The following PGAP1 variants were observed in gnomAD, a reference collection of about 807,000 sequenced individuals.
The protein encoded by PGAP1 is post-GPI attachment to proteins inositol deacylase 1.
PGAP1 carries 76 observed loss-of-function variants against 127.0 expected under a neutral mutation model. That is an observed-to-expected ratio of 0.60 (90% CI 0.50 to 0.72). PGAP1 has a LOEUF of 0.72. Ranked by LOEUF, PGAP1 falls within the 30% of genes least tolerant of loss-of-function variation. The probability of loss-of-function intolerance (pLI) is 0.00; values close to 1 mark genes in which losing one functional copy is unlikely to be tolerated. For missense variants in PGAP1, 982 were observed against 1,071.3 expected (o/e 0.92, Z 1.16); for synonymous variants, 362 against 366.5 (o/e 0.99, Z 0.14).
At position 196,839,962 on chromosome 2, in the gene PGAP1, C is replaced by T. The variant is rs920728274; in HGVS notation, c.*1272G>A. On this transcript the variant is annotated 3_prime_UTR_variant, in exon 27 of 27. Transcript: ENST00000354764. ...TACAGTCTACACATCTAGAAGAACTCTATAAGCCGGGTATGTCTCAGCCTG... is the reference window on the plus strand; with the variant it reads ...TACAGTCTACACATCTAGAAGAACTTTATAAGCCGGGTATGTCTCAGCCTG... The T allele has an allele frequency of 2.6e-5, 4 of 152,214 alleles. No individual in the cohort carries two copies. The highest frequency in any genetic ancestry group is 2.1e-4 in the South Asian group (1 of 4,834). 9.4% of individuals were successfully genotyped at this position (152,214 alleles called of 1,614,324 possible). A position where few individuals can be genotyped will look rare whatever the true frequency, so the allele number is the denominator to read the frequency against.
chr2:196,859,018 C>T (rs546617705), intron 20 of PGAP1, among the ~76,000 whole-genome samples: 1 of 151,974 alleles, frequency 6.6e-6, no homozygotes, highest in Non-Finnish European at 1.5e-5. Context: ...AAATAGGAAA[C>T]CTGAACAGAC....
In PGAP1 at chr2:196,926,676, G is replaced by A. The variant is rs1300121639; in HGVS notation, c.-60C>T. On this transcript the variant is annotated 5_prime_UTR_variant, in exon 1 of 27. Coordinates refer to ENST00000354764, the MANE Select transcript of PGAP1 (RefSeq NM_024989.4). ...CCTCTACCTCCTTCTCCGCCGCGGG[G>A]CCCCAAGCCCGGACTGAGCGTGCTA... The A allele has an allele frequency of 3.7e-6, 6 of 1,608,694 alleles. No individual in the cohort carries two copies. Among genetic ancestry groups the A allele is most frequent in the African/African-American group, 1.3e-5 (1 of 74,724 alleles).
At chr2:196,885,338 A>T in intron 12 of PGAP1, 86 bp downstream of exon 12, 1 of 843,508 alleles carries the variant, frequency 1.2e-6, no homozygotes, top group Non-Finnish European at 1.9e-6. Flanking sequence ...TACCAAGATA[A>T]GCTAATGAAA....
At chr2:196,847,807 CT>C (rs1042201059) in intron 21 of PGAP1, 139 bp downstream of exon 21, 7 of 550,338 alleles carry the variant, frequency 1.3e-5, no homozygotes, top group Admixed American at 7.5e-5. Context: ...AGACCTTTGC[CT>C]AAGAGAAAAA....
chr2:196,854,616 C>G (rs1272805218), intron 20 of PGAP1, among the ~76,000 whole-genome samples: 1 of 152,148 alleles, frequency 6.6e-6, no homozygotes, highest in African/African-American at 2.4e-5. Context: ...ACAGAAATAA[C>G]TAAAATTTCC....
At chr2:196,891,369 T>C (rs991874832) in intron 9 of PGAP1, among the ~76,000 whole-genome samples, 5 of 152,128 alleles carry the variant, frequency 3.3e-5, no homozygotes, top group Admixed American at 3.3e-4. Flanking sequence ...AGCTAAAATA[T>C]CTTGTCCTAC....
chr2:196,923,696 T>G (rs559177375), intron 1 of PGAP1, among the ~76,000 whole-genome samples: 28 of 151,576 alleles, frequency 1.8e-4, no homozygotes, highest in Non-Finnish European at 4.0e-4. Context: ...AGAGTCTCAC[T>G]GTCGCCCCGC....
chr2:196,924,218 C>T (rs1429080535), intron 1 of PGAP1, among the ~76,000 whole-genome samples: 3 of 151,830 alleles, frequency 2.0e-5, no homozygotes, highest in South Asian at 4.2e-4. Flanking sequence ...TTTCTGCTGG[C>T]TAACTAAAGA....
Position 196,919,984 on chromosome 2 carries a change from C to T in PGAP1, c.301+13G>A, listed in dbSNP as rs768803046. 2.5e-6 allele frequency: 4 copies of T among 1,595,966 alleles called. No individual in the cohort carries two copies. Among genetic ancestry groups the T allele is most frequent in the African/African-American group, 1.4e-5 (1 of 73,826 alleles). ...TTTTATAGCTTTCAAAATTTACTTC[C>T]AGTAAGACTTACCTTGCTTATAACT... On this transcript the variant is annotated intron_variant, in intron 2 of 26. Coordinates refer to ENST00000354764, the MANE Select transcript of PGAP1 (RefSeq NM_024989.4).
intron 7 of PGAP1, among the ~76,000 whole-genome samples, chr2:196,896,479 G>C (rs915713618): frequency 1.3e-5 from 2 of 152,026 alleles, no homozygotes; most frequent in Non-Finnish European, 2.9e-5. Context: ...TAATAAGATA[G>C]ATCATGATGT....
chr2:196,885,600 C>A, intron 11 of PGAP1, 125 bp from the exon 12 acceptor site: 1 of 697,112 alleles, frequency 1.4e-6, no homozygotes, highest in South Asian at 2.7e-5. Context: ...TGAGCCTAAT[C>A]CAATATACTC....
At chr2:196,889,365 C>T (rs1217571529) in intron 10 of PGAP1, among the ~76,000 whole-genome samples, 2 of 152,088 alleles carry the variant, frequency 1.3e-5, no homozygotes, top group South Asian at 2.1e-4. Flanking sequence ...CCCACAATGC[C>T]TATCATCTTT....
intron 1 of PGAP1, among the ~76,000 whole-genome samples, chr2:196,920,899 C>T (rs1038506669): frequency 6.6e-6 from 1 of 152,022 alleles, no homozygotes; most frequent in Non-Finnish European, 1.5e-5. Flanking sequence ...AGTAGTTCAC[C>T]TACATTTTTT....
At chr2:196,846,737 A>G (rs1700566493) in intron 22 of PGAP1, among the ~76,000 whole-genome samples, 1 of 152,210 alleles carries the variant, frequency 6.6e-6, no homozygotes, top group Admixed American at 6.5e-5. Flanking sequence ...AAGATTCACA[A>G]CCACGAAATG....
intron 10 of PGAP1, among the ~76,000 whole-genome samples, chr2:196,888,539 C>A (rs963129290): frequency 2.6e-5 from 4 of 151,668 alleles, no homozygotes; most frequent in Non-Finnish European, 5.9e-5. Flanking sequence ...TACTAAAAGA[C>A]ACTATGGGAA....
At position 196,891,058 on chromosome 2, in the gene PGAP1, G is replaced by A. The variant is rs1410459356; in HGVS notation, c.1090-147C>T. On this transcript the variant is annotated intron_variant, in intron 9 of 26. Transcript: ENST00000354764. ...ACCAATTCTCTAGGAGTGGGAGAAGGAAGATACAGAAGGGCAAGAGAAAGA... is the reference window on the plus strand; with the variant it reads ...ACCAATTCTCTAGGAGTGGGAGAAGAAAGATACAGAAGGGCAAGAGAAAGA... 10 of 554,390 alleles carry A rather than the reference G, an allele frequency of 1.8e-5. No homozygotes were observed. In the South Asian group the frequency reaches 2.6e-4, roughly 14 times the overall value. The allele number at this position is 554,390 out of a possible 1,614,324, so 34.3% of individuals were successfully genotyped here.
intron 19 of PGAP1, among the ~76,000 whole-genome samples, chr2:196,868,814 C>T (rs1350282967): frequency 6.6e-6 from 1 of 152,124 alleles, no homozygotes; most frequent in Non-Finnish European, 1.5e-5. Context: ...TCTTCTGTGA[C>T]TCAATCAGCA....
chr2:196,845,551 A>G (rs541506333), intron 23 of PGAP1, among the ~76,000 whole-genome samples: 9 of 151,802 alleles, frequency 5.9e-5, no homozygotes, highest in Non-Finnish European at 1.3e-4. Flanking sequence ...CCCATGTTCA[A>G]AAAGAGGTGT....
At chr2:196,926,368 C>A in intron 1 of PGAP1, 102 bp downstream of exon 1, 1 of 1,554,338 alleles carries the variant, frequency 6.4e-7, no homozygotes, top group South Asian at 1.2e-5. Context: ...ACAGGGGGCC[C>A]GAGAGGCGCA....
Sources: allele counts gnomAD v4.1 joint callset (sites outside exome capture counted in the v4.1 genomes callset), GRCh38; gene constraint gnomAD v4.1.1; transcripts MANE v1.5; gene names NCBI Gene and HGNC (gene_info 2026-07-23, HGNC 2026-07-21).